Variants in ZFHX3 observed in about 807,000 individuals in gnomAD.
ZFHX3 encodes zinc finger homeobox protein 3.
A neutral mutation model predicts 279.1 loss-of-function variants in ZFHX3; 42 were observed. The observed-to-expected ratio is 0.15, with a 90% CI of 0.12 to 0.19. The LOEUF (loss-of-function observed/expected upper bound fraction) is 0.19. Ranked by LOEUF, ZFHX3 falls within the 10% of genes least tolerant of loss-of-function variation. ZFHX3 has a pLI of 1.00. For synonymous variants in ZFHX3, 2,293 were observed against 1,957.8 expected (o/e 1.17, Z -4.52); for missense variants, 4,981 against 4,754.0 (o/e 1.05, Z -1.40).
intron 2 of ZFHX3, among the ~76,000 whole-genome samples, chr16:73,522,587 C>T (rs962890546): frequency 1.3e-5 from 2 of 152,072 alleles, no homozygotes; most frequent in Non-Finnish European, 2.9e-5. Context: ...AGACCATGTC[C>T]AATCCCAGAG....
intron 1 of ZFHX3, among the ~76,000 whole-genome samples, chr16:73,037,037 C>A (rs142809412): frequency 2.6e-5 from 4 of 152,208 alleles, no homozygotes; most frequent in African/African-American, 7.2e-5. Flanking sequence ...AAATAAAAGA[C>A]CCTCACCCCA....
intron 5 of ZFHX3, among the ~76,000 whole-genome samples, chr16:73,240,205 T>C (rs529559789): frequency 4.0e-5 from 6 of 151,662 alleles, no homozygotes; most frequent in African/African-American, 7.3e-5. Context: ...TTTTGCATCA[T>C]GCTTGCAGGG....
At chr16:73,323,161 A>C (rs1192958327) in intron 3 of ZFHX3, among the ~76,000 whole-genome samples, 3 of 152,144 alleles carry the variant, frequency 2.0e-5, no homozygotes, top group Admixed American at 6.5e-5. Flanking sequence ...TGAAAGGATA[A>C]TGGAAAGGAT....
At chr16:73,711,239 C>A (rs767426964) in intron 1 of ZFHX3, among the ~76,000 whole-genome samples, 1 of 151,890 alleles carries the variant, frequency 6.6e-6, no homozygotes, top group African/African-American at 2.4e-5. Context: ...GATGGACCCT[C>A]TACTCTCCAG....
chr16:73,490,534 C>T (rs1341104487), intron 2 of ZFHX3, among the ~76,000 whole-genome samples: 1 of 152,160 alleles, frequency 6.6e-6, no homozygotes, highest in Non-Finnish European at 1.5e-5. Context: ...TAACAAATCC[C>T]TTTGCGTTAA....
chr16:72,848,184 C>G (rs1353794636), intron 4 of ZFHX3, among the ~76,000 whole-genome samples: 1 of 152,138 alleles, frequency 6.6e-6, no homozygotes, highest in Non-Finnish European at 1.5e-5. Context: ...GCGCTCAGGC[C>G]TGGCACTAAT....
At chr16:73,336,417 C>G (rs959456604) in intron 3 of ZFHX3, among the ~76,000 whole-genome samples, 4 of 121,660 alleles carry the variant, frequency 3.3e-5, no homozygotes, top group African/African-American at 1.3e-4. Context: ...GCCCCTGTGT[C>G]TATTGTTCCC....
At chr16:73,370,499 A>G (rs1158219701) in intron 3 of ZFHX3, among the ~76,000 whole-genome samples, 1 of 152,230 alleles carries the variant, frequency 6.6e-6, no homozygotes, top group East Asian at 1.9e-4. Context: ...TGGGTGGCAC[A>G]TAAACACAAA....
Position 72,958,091 on chromosome 16 carries a change from G to A in ZFHX3, c.2055C>T (p.Thr685=). 6.2e-7 allele frequency: 1 copy of A among 1,614,094 alleles called. No individual in the cohort carries two copies. The highest frequency in any genetic ancestry group is 8.5e-7 in the Non-Finnish European group (1 of 1,180,032). ...GCTTCTCCTTCATGTGTGCCTCCAG[G>A]GTCTGCTGGTACTTATAGTGCCAGT... ...KCNWHYKYQQ[T]LEAHMKEKHP... Residue 685 remains threonine (T), a synonymous_variant, in exon 2 of 10, where the codon ACC becomes ACT. Coordinates refer to ENST00000268489, the MANE Select transcript of ZFHX3 (RefSeq NM_006885.4).
At chr16:73,496,268 C>T (rs532826027) in intron 2 of ZFHX3, among the ~76,000 whole-genome samples, 10 of 152,340 alleles carry the variant, frequency 6.6e-5, no homozygotes, top group Admixed American at 1.3e-4. Flanking sequence ...TGGCGGCTCA[C>T]GCCTGTAATC....
intron 1 of ZFHX3, among the ~76,000 whole-genome samples, chr16:73,686,253 C>T (rs2053082521): frequency 2.0e-5 from 3 of 152,090 alleles, no homozygotes; most frequent in Admixed American, 2.0e-4. Context: ...CACCACCACA[C>T]CTGGCTAATT....
rs1028876804 is a variant in ZFHX3, at chr16:73,048,034, C to G, written c.-332G>C. On this transcript the variant is annotated 5_prime_UTR_variant, in exon 1 of 10. Coordinates refer to ENST00000268489, the MANE Select transcript of ZFHX3 (RefSeq NM_006885.4). Reference sequence around the variant, plus strand: ...TCCCCGGGACGCGGCGGGGATTCACCCACGGGGCGCGGCGCTGGCGTCCGG... The same window carrying G: ...TCCCCGGGACGCGGCGGGGATTCACGCACGGGGCGCGGCGCTGGCGTCCGG... 2.0e-4 allele frequency: 30 copies of G among 152,418 alleles called. No homozygotes were observed. In the East Asian group the frequency reaches 5.6e-3, roughly 29 times the overall value. The allele number at this position is 152,418 out of a possible 1,614,324, so 9.4% of individuals were successfully genotyped here. A position where few individuals can be genotyped will look rare whatever the true frequency, so the allele number is the denominator to read the frequency against.
intron 3 of ZFHX3, among the ~76,000 whole-genome samples, chr16:73,389,512 C>T (rs1230959511): frequency 1.3e-5 from 2 of 152,152 alleles, no homozygotes; most frequent in South Asian, 2.1e-4. Context: ...AATTAGAAGG[C>T]GTATTTTAGA....
chr16:73,284,185 C>A (rs1381463262), intron 4 of ZFHX3, among the ~76,000 whole-genome samples: 1 of 151,444 alleles, frequency 6.6e-6, no homozygotes, highest in Non-Finnish European at 1.5e-5. Flanking sequence ...GGCACGGGGG[C>A]AGGCGCCTGT....
At chr16:72,926,384 G>C (rs4788488) in intron 3 of ZFHX3, among the ~76,000 whole-genome samples, 39,045 of 151,988 alleles carry the variant, frequency 0.26, 5,316 homozygotes, top group Non-Finnish European at 0.29. Flanking sequence ...CATGGAAGAG[G>C]TGAAAGAGCT....
intron 1 of ZFHX3, among the ~76,000 whole-genome samples, chr16:73,780,401 G>C (rs1959426994): frequency 6.6e-6 from 1 of 150,656 alleles, no homozygotes; most frequent in South Asian, 2.1e-4. Context: ...ACCCACCTCG[G>C]CCTCCCAAAG....
intron 7 of ZFHX3, 126 bp downstream of exon 7, chr16:72,811,451 A>C: frequency 9.7e-7 from 1 of 1,033,192 alleles, no homozygotes; most frequent in Non-Finnish European, 1.4e-6. Flanking sequence ...CAGAACAAGG[A>C]CTGTTTTCTG....
chr16:73,773,799 T>C (rs1009860991), intron 1 of ZFHX3, among the ~76,000 whole-genome samples: 1 of 152,092 alleles, frequency 6.6e-6, no homozygotes. Context: ...GGTTTAGAGC[T>C]CAGTACCAGG....
At chr16:73,407,509 G>A (rs750523640) in intron 3 of ZFHX3, among the ~76,000 whole-genome samples, 1 of 152,196 alleles carries the variant, frequency 6.6e-6, no homozygotes, top group Non-Finnish European at 1.5e-5. Context: ...TCCATGGTTG[G>A]AGAAATGGAG....
Sources: allele counts gnomAD v4.1 joint callset (sites outside exome capture counted in the v4.1 genomes callset), GRCh38; gene constraint gnomAD v4.1.1; transcripts MANE v1.5; gene names NCBI Gene and HGNC (gene_info 2026-07-23, HGNC 2026-07-21).